Variants in DMWD observed in about 807,000 individuals in gnomAD.
DMWD encodes DM1 locus, WD repeat containing.
DMWD carries 19 observed loss-of-function variants against 45.8 expected under a neutral mutation model. That is an observed-to-expected ratio of 0.41 (90% CI 0.29 to 0.61). DMWD has a LOEUF of 0.61. Ranked by LOEUF, DMWD falls within the 20% of genes least tolerant of loss-of-function variation. The probability of loss-of-function intolerance (pLI) is 0.25; values close to 1 mark genes in which losing one functional copy is unlikely to be tolerated. For missense variants in DMWD, 802 were observed against 965.2 expected (o/e 0.83, Z 2.24); for synonymous variants, 515 against 440.5 (o/e 1.17, Z -2.12).
Position 45,785,884 on chromosome 19 carries a change from T to C in DMWD, c.1612A>G (p.Lys538Glu). 1 of 1,604,986 alleles carries C rather than the reference T, an allele frequency of 6.2e-7. No individual in the cohort carries two copies. The highest frequency in any genetic ancestry group is 8.5e-7 in the Non-Finnish European group (1 of 1,179,632). ...AGGCTGTGGTAGCGCTTGTGCTCCT[T>C]CTCTGCCCCCCGGTCCCGCCGCTCC... ...LQERRDRGAE[K>E]EHKRYHSLGN... Residue 538 changes from lysine to glutamate, a missense_variant, in exon 3 of 5, where the codon AAG (lysine) becomes GAG (glutamate). Lys to Glu is a moderately conservative substitution (Grantham distance 56, BLOSUM62 1). Transcript: ENST00000270223.
chr19:45,792,181 T>A, intron 1 of DMWD, 135 bp downstream of exon 1: 1 of 1,393,986 alleles, frequency 7.2e-7, no homozygotes, highest in South Asian at 1.5e-5. Context: ...CTCCCTCCAA[T>A]GCTGTCGCCC....
chr19:45,784,977 C>T lies in DMWD; in HGVS notation c.1903-262G>A, dbSNP rs181191877. 1.4e-3 allele frequency among the ~76,000 whole-genome samples: 213 copies of T among 152,322 alleles called. 1 individual carries two copies. Among genetic ancestry groups the T allele is most frequent in the Non-Finnish European group, 6.6e-4 (45 of 68,034 alleles). ...GATTCGCCTACTATGACCTTCCCAA[C>T]GCCACAGCCCACCCAGGAGGCAAGC... On this transcript the variant is annotated intron_variant, in intron 3 of 4. Transcript: ENST00000270223.
chr19:45,787,004 T>G, intron 2 of DMWD, 133 bp from the exon 3 acceptor site: 1 of 1,446,078 alleles, frequency 6.9e-7, no homozygotes, highest in South Asian at 1.4e-5. Flanking sequence ...CAGGCCCAGG[T>G]CCTCCTCGGA....
chr19:45,785,410 G>C, intron 3 of DMWD, 184 bp downstream of exon 3: 1 of 1,307,604 alleles, frequency 7.6e-7, no homozygotes, highest in Non-Finnish European at 9.7e-7. Context: ...GCTGCCTAGG[G>C]CTAGACCCCC....
At position 45,785,707 on chromosome 19, in the gene DMWD, C is replaced by T. The variant is rs1357385921; in HGVS notation, c.1789G>A (p.Val597Met). Residue 597 changes from valine to methionine, a missense_variant, in exon 3 of 5, where the codon GTG (valine) becomes ATG (methionine). By Grantham distance (21) the Val-to-Met change is conservative (BLOSUM62 1). Coordinates refer to ENST00000270223, the MANE Select transcript of DMWD (RefSeq NM_004943.2). ...CGCTCCTGGGCGATCTTCTTGCACA[C>T]AAGGGGCTCCAGCAGGGGCACCTCG... Reference protein sequence around the residue: ...IHEVPLLEPLVCKKIAQERLT... With the variant: ...IHEVPLLEPLMCKKIAQERLT... 1 of 1,605,372 alleles carries T rather than the reference C, an allele frequency of 6.2e-7. No homozygotes were observed. Among genetic ancestry groups the T allele is most frequent in the Admixed American group, 1.7e-5 (1 of 59,568 alleles).
At position 45,792,592 on chromosome 19, in the gene DMWD, C is replaced by A; in HGVS notation, c.165G>T (p.Pro55=). The change falls in exon 1 of 5, where the codon CCG becomes CCT. Residue 55 remains proline (P), a synonymous_variant. Coordinates refer to ENST00000270223, the MANE Select transcript of DMWD (RefSeq NM_004943.2). ...CGGGCGGGGGCTGCGGTGGCTGAGG[C>A]GGCACCGGAGTCTGGGCGGAAGCCG... The part of the protein sequence containing the change: ...SGPASAQTPV[P]PQPPQPPPGP... 7.7e-7 allele frequency: 1 copy of A among 1,298,288 alleles called. No homozygotes were observed. Among genetic ancestry groups the A allele is most frequent in the Non-Finnish European group, 9.9e-7 (1 of 1,006,696 alleles). 80.4% of individuals were successfully genotyped at this position (1,298,288 alleles called of 1,614,324 possible). A position where few individuals can be genotyped will look rare whatever the true frequency, so the allele number is the denominator to read the frequency against.
chr19:45,792,122 T>C (rs973420935), intron 1 of DMWD, among the ~76,000 whole-genome samples, 194 bp downstream of exon 1: 5 of 152,108 alleles, frequency 3.3e-5, no homozygotes, highest in Admixed American at 3.3e-4. Flanking sequence ...ACCTCCAAGA[T>C]GCCTGCCCAG....
At position 45,786,881 on chromosome 19, in the gene DMWD, G is replaced by T. The variant is rs1010927354; in HGVS notation, c.625-10C>A. ...TCTTGTCGATCAACCGCTGCCAGGG[G>T]AGACAGTGTGGGGTTGGGAGAAGGC... On this transcript the variant is annotated splice_polypyrimidine_tract_variant and intron_variant, in intron 2 of 4. Transcript: ENST00000270223. The T allele has an allele frequency of 4.4e-5, 71 of 1,611,154 alleles. No homozygotes were observed. Among genetic ancestry groups the T allele is most frequent in the Non-Finnish European group, 5.9e-5 (70 of 1,178,870 alleles).
At position 45,791,060 on chromosome 19, in the gene DMWD, T is replaced by G; in HGVS notation, c.469A>C (p.Lys157Gln). 1 of 1,612,396 alleles carries G rather than the reference T, an allele frequency of 6.2e-7. No individual in the cohort carries two copies. The highest frequency in any genetic ancestry group is 1.1e-5 in the South Asian group (1 of 91,048). ...RSIDLNKPID[K>Q]RIYKGTQPTC... ...GGCTGGGTGCCCTTGTAGATCCGCT[T>G]GTCAATTGGCTTGTTGAGGTCAATG... The change falls in exon 2 of 5, where the codon AAG (lysine) becomes CAG (glutamine). Residue 157 changes from lysine (K) to glutamine (Q), a missense_variant. Lys to Gln is a moderately conservative substitution (Grantham distance 53, BLOSUM62 1). Around this residue, in one of 9 missense-constraint regions of DMWD, gnomAD observed 82 missense variants for 92.9 expected, o/e 0.88. Transcript: ENST00000270223.
In DMWD at chr19:45,784,039, G is replaced by A; in HGVS notation, c.*204C>T. On this transcript the variant is annotated 3_prime_UTR_variant, in exon 5 of 5. Transcript: ENST00000270223. ...TCATTGTACTTGGCAGTGGGTGGGG[G>A]ACAAGGCTGAGGCCACAAGGGCTAT... The A allele has an allele frequency of 1.5e-6, 1 of 645,356 alleles. No individual in the cohort carries two copies. Among genetic ancestry groups the A allele is most frequent in the South Asian group, 1.7e-5 (1 of 57,670 alleles). 40.0% of individuals were successfully genotyped at this position (645,356 alleles called of 1,614,324 possible). A position where few individuals can be genotyped will look rare whatever the true frequency, so the allele number is the denominator to read the frequency against.
At chr19:45,787,065 T>C (rs1970290332) in intron 2 of DMWD, 194 bp from the exon 3 acceptor site, 9 of 1,037,792 alleles carry the variant, frequency 8.7e-6, no homozygotes, top group African/African-American at 1.6e-5. Flanking sequence ...CATGGAAACA[T>C]GGGGAAACAG....
Position 45,786,595 on chromosome 19 carries a change from A to G in DMWD, c.901T>C (p.Cys301Arg). The G allele has an allele frequency of 6.2e-7, 1 of 1,613,864 alleles. No individual in the cohort carries two copies. Among genetic ancestry groups the G allele is most frequent in the Non-Finnish European group, 8.5e-7 (1 of 1,179,872 alleles). The change falls in exon 3 of 5, where the codon TGT becomes CGT. Residue 301 changes from cysteine to arginine, a missense_variant. Physicochemically the swap from Cys to Arg is radical, Grantham distance 180. This residue lies in a region of DMWD where 146 missense variants were observed against 212.8 expected (regional missense o/e 0.69). Coordinates refer to ENST00000270223, the MANE Select transcript of DMWD (RefSeq NM_004943.2). ...CGCAGGCAGCCATCCTGGCTCACAC[A>G]GGCCAGGTGCCGGCCATCGGGCGAG... ...AFSPDGRHLA[C>R]VSQDGCLRVF...
rs1970284011 is a variant in DMWD at position 45,786,747 on chromosome 19, G to GC, written c.748dup (p.Ala250GlyfsTer35). The GC allele has an allele frequency of 6.2e-7, 1 of 1,613,988 alleles. No homozygotes were observed. The highest frequency in any genetic ancestry group is 8.5e-7 in the Non-Finnish European group (1 of 1,180,010). On this transcript the variant is annotated frameshift_variant, in exon 3 of 5. Transcript: ENST00000270223. LOFTEE classifies it high-confidence loss of function. ...CTTCAGCAGGCTGTACTGGGGCGGG[G>GC]CCGAGGCGCAGGGGTGGCTGACGTT...
chr19:45,792,191 C>T (rs931486235), intron 1 of DMWD, 125 bp downstream of exon 1: 16 of 1,397,576 alleles, frequency 1.1e-5, no homozygotes, highest in Non-Finnish European at 1.5e-5. Context: ...TGCTGTCGCC[C>T]TACAACGTCC....
In DMWD at chr19:45,785,827, TGCCGCC is replaced by T; in HGVS notation, c.1663_1668del (p.Gly555_Gly556del). On this transcript the variant is annotated inframe_deletion, in exon 3 of 5. Transcript: ENST00000270223. ...CTGGGCTTCTCCCCACCACTGCCAC[TGCCGCC>T]ACTGCCACCCCGGCTGATGTTGCCC... 6.2e-7 allele frequency: 1 copy of T among 1,610,818 alleles called. No individual in the cohort carries two copies. Among genetic ancestry groups the T allele is most frequent in the Non-Finnish European group, 8.5e-7 (1 of 1,179,594 alleles).
At chr19:45,784,332 A>G in intron 4 of DMWD, 42 bp from the exon 5 acceptor site, 1 of 1,494,748 alleles carries the variant, frequency 6.7e-7, no homozygotes. Flanking sequence ...GTTAGAGACC[A>G]CCTGGGCTTC....
At chr19:45,785,338 G>A (rs1970255717) in intron 3 of DMWD, 2 of 1,217,976 alleles carry the variant, frequency 1.6e-6, no homozygotes, top group Non-Finnish European at 2.0e-6. Context: ...CCCTTCAGAC[G>A]GCCAGCCTTG....
Position 45,783,939 on chromosome 19 carries a change from A to G in DMWD, c.*304T>C, listed in dbSNP as rs925168578. The G allele has an allele frequency of 5.7e-5, 31 of 542,706 alleles. No individual in the cohort carries two copies. Among genetic ancestry groups the G allele is most frequent in the Non-Finnish European group, 8.6e-5 (27 of 312,154 alleles). The allele number at this position is 542,706 out of a possible 1,614,324, so 33.6% of individuals were successfully genotyped here. On this transcript the variant is annotated 3_prime_UTR_variant, in exon 5 of 5. Coordinates refer to ENST00000270223, the MANE Select transcript of DMWD (RefSeq NM_004943.2). ...TGGGGCTCTTGTGGCAGGGGCGGGG[A>G]GTCTCTCCCCAGGAGTGACCAGTCA...
At chr19:45,784,586 T>C (rs759914583) in intron 4 of DMWD, 55 bp downstream of exon 4, 2 of 1,613,256 alleles carry the variant, frequency 1.2e-6, no homozygotes, top group Admixed American at 3.3e-5. Flanking sequence ...GGAGCTCCCT[T>C]CTAACTTGGG....
Sources: allele counts gnomAD v4.1 joint callset (sites outside exome capture counted in the v4.1 genomes callset), GRCh38; gene constraint gnomAD v4.1.1; regional missense constraint gnomAD v4.1.1; transcripts MANE v1.5; gene names NCBI Gene and HGNC (gene_info 2026-07-23, HGNC 2026-07-21).